Variants in SYNE1 observed in about 807,000 individuals in gnomAD.
The protein encoded by SYNE1 is nesprin-1.
SYNE1 carries 616 observed loss-of-function variants against 1,111.0 expected under a neutral mutation model. That is an observed-to-expected ratio of 0.55 (90% CI 0.52 to 0.59). The LOEUF (loss-of-function observed/expected upper bound fraction) is 0.59. Ranked by LOEUF, SYNE1 falls within the 20% of genes least tolerant of loss-of-function variation. SYNE1 has a pLI of 0.00. For missense variants in SYNE1, 10,006 were observed against 10,417.0 expected, an observed-to-expected ratio of 0.96 and a Z score of 1.72; for synonymous variants, 3,855 against 3,825.8, an observed-to-expected ratio of 1.01 and a Z score of -0.28.
Position 152,451,053 on chromosome 6 carries a change from C to A in SYNE1, c.3180G>T (p.Glu1060Asp). The stretch of plus-strand genomic sequence containing the variant: ...TGTGGTGTGGGAGACGTACCCTGTG[C>A]TCTTTAATTATCTTTTCACTGCCTT... ...PQEGSEKIIKEHRVFFSDKGP... is the reference protein window; with the variant it reads ...PQEGSEKIIKDHRVFFSDKGP... The change falls in exon 26 of 146, where the codon GAG becomes GAT. Residue 1060 changes from glutamate (E) to aspartate (D), a missense_variant. Physicochemically the swap from Glu to Asp is conservative, Grantham distance 45. Transcript: ENST00000367255. The A allele has an allele frequency of 6.2e-7, 1 of 1,614,154 alleles. No individual in the cohort carries two copies. The highest frequency in any genetic ancestry group is 8.5e-7 in the Non-Finnish European group (1 of 1,180,028).
At chr6:152,551,920 G>A (rs2099348338) in intron 3 of SYNE1, among the ~76,000 whole-genome samples, 1 of 152,212 alleles carries the variant, frequency 6.6e-6, no homozygotes, top group Admixed American at 6.5e-5. Context: ...CCTGTAAAAT[G>A]TGGCGTCTCC....
intron 4 of SYNE1, among the ~76,000 whole-genome samples, chr6:152,531,895 A>C (rs546804659): frequency 3.9e-5 from 6 of 152,300 alleles, no homozygotes; most frequent in Admixed American, 3.3e-4. Context: ...GCATCCATTC[A>C]TCCATCAATG....
chr6:152,574,217 TA>T (rs1333991185), intron 3 of SYNE1, among the ~76,000 whole-genome samples: 12 of 149,746 alleles, frequency 8.0e-5, no homozygotes, highest in African/African-American at 2.7e-4. Flanking sequence ...TATATATATA[TA>T]TATGGCAGAT....
chr6:152,545,839 T>C (rs1428053621), intron 3 of SYNE1: 3 of 152,200 alleles, frequency 2.0e-5, no homozygotes, highest in African/African-American at 7.2e-5. Flanking sequence ...TCTAAAAATA[T>C]AAATGTAAAT....
intron 66 of SYNE1, among the ~76,000 whole-genome samples, chr6:152,357,685 C>A (rs989133299): frequency 6.6e-6 from 1 of 152,104 alleles, no homozygotes; most frequent in Non-Finnish European, 1.5e-5. Context: ...GGTTTGTGTT[C>A]CTCATCAGAT....
intron 119 of SYNE1, among the ~76,000 whole-genome samples, chr6:152,220,208 T>C (rs1245897827): frequency 1.3e-5 from 2 of 152,236 alleles, no homozygotes; most frequent in Admixed American, 6.5e-5. Flanking sequence ...ATAAACTGAT[T>C]TGGAAAAGTT....
At chr6:152,189,163 G>T in intron 128 of SYNE1, 89 bp downstream of exon 128, 2 of 1,393,360 alleles carry the variant, frequency 1.4e-6, no homozygotes, top group Non-Finnish European at 2.0e-6. Flanking sequence ...TATGGGCCGG[G>T]TCCACATGTG....
At position 152,322,008 on chromosome 6, in the gene SYNE1, AC is replaced by A. The variant is rs34852979; in HGVS notation, c.15918-123del. ...CCTAGTATCTTTTTTGAAAGAAAAGACACTTCCTCAACACTGTTAAATAACA... is the reference window on the plus strand; with the variant it reads ...CCTAGTATCTTTTTTGAAAGAAAAGAACTTCCTCAACACTGTTAAATAACA... On this transcript the variant is annotated intron_variant, in intron 82 of 145. Transcript: ENST00000367255. 10,207 of 997,880 alleles carry A rather than the reference AC, an allele frequency of 0.01. 724 individuals are homozygous for A. In the African/African-American group the frequency reaches 0.15, roughly 14 times the overall value. The allele number at this position is 997,880 out of a possible 1,614,324, so 61.8% of individuals were successfully genotyped here.
chr6:152,124,332 A>G (rs1197443726), intron 145 of SYNE1, among the ~76,000 whole-genome samples: 2 of 152,334 alleles, frequency 1.3e-5, no homozygotes, highest in East Asian at 1.9e-4. Context: ...GGTTCTGCAG[A>G]AACCCCAAGA....
Position 152,526,180 on chromosome 6 carries a change from A to C in SYNE1, c.130-5T>G. 6.2e-7 allele frequency: 1 copy of C among 1,613,748 alleles called. No individual in the cohort carries two copies. The highest frequency in any genetic ancestry group is 8.5e-7 in the Non-Finnish European group (1 of 1,179,686). On this transcript the variant is annotated splice_polypyrimidine_tract_variant and splice_region_variant and intron_variant, in intron 4 of 145. Transcript: ENST00000367255. ...CACCACCATTGGAGGTTTCCGCTGT[A>C]AAAGCAAAGAGGAATAAGTGCAGAA... is the stretch of plus-strand genomic sequence containing the variant.
Position 152,326,022 on chromosome 6 carries a change from G to A in SYNE1, c.15374C>T (p.Ser5125Phe). The change falls in exon 80 of 146, where the codon TCT (serine) becomes TTT (phenylalanine). Residue 5125 changes from serine to phenylalanine, a missense_variant. Ser to Phe is a radical substitution (Grantham distance 155). Transcript: ENST00000367255. The stretch of plus-strand genomic sequence containing the variant: ...CGAAGTCTTCAACAAAGAAAACTCA[G>A]ACAATTTCTTTTCTGTATCATTCAT... ...ELMNDTEKKL[S>F]EFSLLKTSSS... The A allele has an allele frequency of 6.2e-7, 1 of 1,614,140 alleles. No homozygotes were observed. The highest frequency in any genetic ancestry group is 1.3e-5 in the African/African-American group (1 of 75,038).
In SYNE1 at chr6:152,289,356, C is replaced by T. The variant is rs1275336408; in HGVS notation, c.18012+4232G>A. On this transcript the variant is annotated intron_variant, in intron 95 of 145. Transcript: ENST00000367255. The stretch of plus-strand genomic sequence containing the variant: ...TTAATAGTAAGGGTGAAAAGAAACA[C>T]GGACCTTATGTGACCTTCAGAACTG... Among the ~76,000 whole-genome samples, 3 of 152,140 alleles carry T rather than the reference C, an allele frequency of 2.0e-5. No homozygotes were observed. In the East Asian group the frequency reaches 5.8e-4, roughly 29 times the overall value.
intron 58 of SYNE1, chr6:152,375,978 T>C (rs1467502482): frequency 1.1e-5 from 2 of 184,260 alleles, no homozygotes; most frequent in Non-Finnish European, 2.3e-5. Context: ...AGAGAAGCGG[T>C]CCCCAACCTT....
At position 152,141,245 on chromosome 6, in the gene SYNE1, G is replaced by A. The variant is rs149359341; in HGVS notation, c.25204C>T (p.Pro8402Ser). The change falls in exon 139 of 146, where the codon CCT (proline) becomes TCT (serine). Residue 8402 changes from proline to serine, a missense_variant. Transcript: ENST00000367255. ...HKLKEEEESL[P>S]GFVNLHSTET... Reference sequence around the variant, plus strand: ...GTACTATGCAGGTTAACAAAGCCAGGAAGGCTCTCCTCTTCCTCCTTCAGT... The same window carrying A: ...GTACTATGCAGGTTAACAAAGCCAGAAAGGCTCTCCTCTTCCTCCTTCAGT... 3.1e-6 allele frequency: 5 copies of A among 1,614,186 alleles called. No homozygotes were observed. The highest frequency in any genetic ancestry group is 3.4e-6 in the Non-Finnish European group (4 of 1,180,044).
At chr6:152,320,274 C>T (rs1295592709) in intron 84 of SYNE1, 1 of 152,104 alleles carries the variant, frequency 6.6e-6, no homozygotes, top group Non-Finnish European at 1.5e-5. Flanking sequence ...GAGCATTTAT[C>T]AGTAGTTTAG....
intron 145 of SYNE1, chr6:152,125,807 CA>C (rs2053206832): frequency 6.5e-6 from 1 of 153,254 alleles, no homozygotes; most frequent in African/African-American, 2.4e-5. Flanking sequence ...ATTCTTTGTG[CA>C]ATTAGGTCAA....
chr6:152,290,953 A>G (rs771611810), intron 95 of SYNE1, among the ~76,000 whole-genome samples: 34 of 151,856 alleles, frequency 2.2e-4, no homozygotes, highest in Admixed American at 7.9e-4. Context: ...AAAAGGTAGC[A>G]AAAATAGCTC....
chr6:152,577,114 T>C (rs1335094658), intron 3 of SYNE1, among the ~76,000 whole-genome samples: 1 of 152,256 alleles, frequency 6.6e-6, no homozygotes, highest in Non-Finnish European at 1.5e-5. Context: ...AAAGTGTTTT[T>C]GTTCTTGACA....
At chr6:152,124,115 G>C (rs2052470243) in intron 145 of SYNE1, among the ~76,000 whole-genome samples, 1 of 152,196 alleles carries the variant, frequency 6.6e-6, no homozygotes, top group Admixed American at 6.5e-5. Flanking sequence ...CTTGAGGCCA[G>C]GAGTTCAAGC....
Sources: gnomAD v4.1 joint callset for allele counts (sites outside exome capture counted in the v4.1 genomes callset) on GRCh38, gnomAD v4.1.1 for gene constraint, MANE v1.5 for transcripts, NCBI Gene and HGNC (gene_info 2026-07-23, HGNC 2026-07-21) for gene names.